SLC4A4: variants seen among roughly 807,000 people sequenced by gnomAD.
SLC4A4 encodes electrogenic sodium bicarbonate cotransporter 1.
SLC4A4 carries 27 observed loss-of-function variants against 111.5 expected under a neutral mutation model. That is an observed-to-expected ratio of 0.24 (90% CI 0.18 to 0.33). SLC4A4 has a LOEUF of 0.33. SLC4A4 is among the 10% of genes least tolerant of loss of function. The pLI, the probability that SLC4A4 is intolerant of heterozygous loss-of-function variation, is 1.00. For missense variants in SLC4A4, 909 were observed against 1,315.5 expected (o/e 0.69, Z 4.78); for synonymous variants, 443 against 463.4 (o/e 0.96, Z 0.57).
chr4:71,300,655 TC>T, intron 3 of SLC4A4: 1 of 376,768 alleles, frequency 2.7e-6, no homozygotes, highest in South Asian at 2.6e-5. Context: ...GATGAGGCAG[TC>T]CAGGATGAGG....
intron 12 of SLC4A4, among the ~76,000 whole-genome samples, chr4:71,464,851 G>A (rs1309177364): frequency 6.6e-6 from 1 of 152,098 alleles, no homozygotes; most frequent in African/African-American, 2.4e-5. Flanking sequence ...AGTAATTATT[G>A]TAATAATGGT....
rs190000910 is a variant in SLC4A4, at chr4:71,381,921, T to G, written c.731-15656T>G. Among the ~76,000 whole-genome samples the G allele has an allele frequency of 2.6e-5, 4 of 152,070 alleles. No individual in the cohort carries two copies. The East Asian group carries it at 7.7e-4, about 29-fold the overall frequency. ...TGAGAAGTGCTTGTAGAGAGAGTGG[T>G]TCACATCTGAAGGAGGAGAATGAGA... is the stretch of plus-strand genomic sequence containing the variant. On this transcript the variant is annotated intron_variant, in intron 6 of 25. Coordinates refer to ENST00000264485, the MANE Select transcript of SLC4A4 (RefSeq NM_001098484.3).
At chr4:71,229,243 C>A (rs774112298) in intron 1 of SLC4A4, among the ~76,000 whole-genome samples, 1 of 152,156 alleles carries the variant, frequency 6.6e-6, no homozygotes, top group African/African-American at 2.4e-5. Flanking sequence ...ATAGTTTGTT[C>A]ATTTTTCTTG....
intron 2 of SLC4A4, among the ~76,000 whole-genome samples, chr4:71,160,919 C>G (rs550700213): frequency 6.6e-6 from 1 of 152,146 alleles, no homozygotes; most frequent in South Asian, 2.1e-4. Flanking sequence ...GGAAGATCTA[C>G]GTGTTGGAGA....
Position 71,397,706 on chromosome 4 carries a change from G to C in SLC4A4, c.807+53G>C, listed in dbSNP as rs373027382. 6.8e-6 allele frequency: 10 copies of C among 1,473,394 alleles called. No individual in the cohort carries two copies. In the East Asian group the frequency reaches 2.3e-4, roughly 33 times the overall value. The allele number at this position is 1,473,394 out of a possible 1,614,324, so 91.3% of individuals were successfully genotyped here. On this transcript the variant is annotated intron_variant, in intron 7 of 25. Coordinates refer to ENST00000264485, the MANE Select transcript of SLC4A4 (RefSeq NM_001098484.3). Reference sequence around the variant, plus strand: ...AATGTAAGAGAACGTATATCTAAAAGATGCTGAGAAAGGATTAGAGGTGAT... The same window carrying C: ...AATGTAAGAGAACGTATATCTAAAACATGCTGAGAAAGGATTAGAGGTGAT...
At chr4:71,449,016 CA>C (rs1207960423) in intron 9 of SLC4A4, among the ~76,000 whole-genome samples, 1 of 152,092 alleles carries the variant, frequency 6.6e-6, no homozygotes, top group Non-Finnish European at 1.5e-5. Flanking sequence ...TAAGATGTAT[CA>C]ATTAAGAATA....
chr4:71,389,284 T>G (rs1275381353), intron 6 of SLC4A4, among the ~76,000 whole-genome samples: 1 of 152,236 alleles, frequency 6.6e-6, no homozygotes, highest in Non-Finnish European at 1.5e-5. Context: ...TGACATCAGC[T>G]TTTGGCTTCA....
chr4:71,199,296 AGC>A, intron 1 of SLC4A4, among the ~76,000 whole-genome samples: 1 of 152,326 alleles, frequency 6.6e-6, no homozygotes, highest in Non-Finnish European at 1.5e-5. Flanking sequence ...TTATAAAATA[AGC>A]ACTTAGACTT....
At chr4:71,478,565 A>C (rs1428546506) in intron 14 of SLC4A4, among the ~76,000 whole-genome samples, 1 of 151,562 alleles carries the variant, frequency 6.6e-6, no homozygotes, top group South Asian at 2.1e-4. Context: ...CAATGAGAAC[A>C]TATGGGCACA....
intron 2 of SLC4A4, among the ~76,000 whole-genome samples, chr4:71,123,378 T>C (rs1743485256): frequency 6.6e-6 from 1 of 152,168 alleles, no homozygotes; most frequent in South Asian, 2.1e-4. Flanking sequence ...GAAGAAAAAC[T>C]CAGCATTGTC....
chr4:71,313,815 C>T (rs1283378006), intron 3 of SLC4A4, among the ~76,000 whole-genome samples: 1 of 151,986 alleles, frequency 6.6e-6, no homozygotes, highest in African/African-American at 2.4e-5. Context: ...CTGTAAAAAC[C>T]CCAGAAGAAA....
chr4:71,458,266 G>A (rs1210071286), intron 12 of SLC4A4, among the ~76,000 whole-genome samples: 1 of 151,906 alleles, frequency 6.6e-6, no homozygotes, highest in Non-Finnish European at 1.5e-5. Context: ...ACATATTTAT[G>A]GATTACTTAG....
At chr4:71,186,234 A>G (rs1745445164), upstream of SLC4A4, among the ~76,000 whole-genome samples, 1 of 152,256 alleles carries the variant, frequency 6.6e-6, no homozygotes, top group African/African-American at 2.4e-5. Context: ...CTCCCAAGGA[A>G]GACAGAAAGG....
At chr4:71,152,931 C>CAT (rs1219592064) in intron 2 of SLC4A4, among the ~76,000 whole-genome samples, 5 of 147,998 alleles carry the variant, frequency 3.4e-5, no homozygotes, top group South Asian at 2.1e-4. Context: ...TGGTATATAT[C>CAT]ACATATATAT....
At chr4:71,345,395 A>G (rs1247165749) in intron 4 of SLC4A4, among the ~76,000 whole-genome samples, 1 of 152,074 alleles carries the variant, frequency 6.6e-6, no homozygotes. Context: ...TCTTCAGTGA[A>G]TTTTCAGATG....
intron 6 of SLC4A4, among the ~76,000 whole-genome samples, chr4:71,392,933 T>TGCAGATGATCATCTC (rs1284968440): frequency 3.3e-5 from 5 of 152,136 alleles, no homozygotes; most frequent in South Asian, 2.1e-4. Context: ...ATCATCTCAA[T>TGCAGATGATCATCTC]AAATGCAGAA....
At chr4:71,395,099 G>T (rs1422900170) in intron 6 of SLC4A4, among the ~76,000 whole-genome samples, 1 of 152,118 alleles carries the variant, frequency 6.6e-6, no homozygotes, top group East Asian at 1.9e-4. Context: ...AATTGCTCTG[G>T]TGTGAGTGTC....
chr4:71,522,349 C>T (rs1329073881), intron 16 of SLC4A4, among the ~76,000 whole-genome samples: 1 of 152,190 alleles, frequency 6.6e-6, no homozygotes, highest in Non-Finnish European at 1.5e-5. Context: ...CAGAGTCCTA[C>T]ACCAACAAAT....
chr4:71,415,388 A>G (rs1298917546), intron 7 of SLC4A4, among the ~76,000 whole-genome samples: 1 of 152,110 alleles, frequency 6.6e-6, no homozygotes, highest in Non-Finnish European at 1.5e-5. Context: ...TGTGATTATA[A>G]TTATTGGTAC....
Sources: allele counts gnomAD v4.1 joint callset (sites outside exome capture counted in the v4.1 genomes callset), GRCh38; gene constraint gnomAD v4.1.1; transcripts MANE v1.5; gene names NCBI Gene and HGNC (gene_info 2026-07-23, HGNC 2026-07-21).